HECW2: variants seen among roughly 807,000 people sequenced by gnomAD.
HECW2 encodes E3 ubiquitin-protein ligase HECW2.
In HECW2, 61 loss-of-function variants were observed where a neutral mutation model predicts 175.2. That is an observed-to-expected ratio of 0.35 (90% CI 0.28 to 0.43). The LOEUF (loss-of-function observed/expected upper bound fraction) is 0.43, where lower values mean the gene tolerates loss of function less well. HECW2 is among the 20% of genes least tolerant of loss of function. HECW2 has a pLI of 1.00. For synonymous variants in HECW2, 671 were observed against 731.0 expected, an observed-to-expected ratio of 0.92 and a Z score of 1.32; for missense variants, 1,524 against 2,000.5, an observed-to-expected ratio of 0.76 and a Z score of 4.54.
At chr2:196,394,558 CGA>C (rs984882826) in intron 2 of HECW2, among the ~76,000 whole-genome samples, 1 of 140,674 alleles carries the variant, frequency 7.1e-6, no homozygotes. Flanking sequence ...AAGGCAGACA[CGA>C]GAGCCAGAAA....
chr2:196,453,408 G>A (rs982647796), intron 1 of HECW2, among the ~76,000 whole-genome samples: 5 of 152,122 alleles, frequency 3.3e-5, no homozygotes, highest in African/African-American at 4.8e-5. Context: ...CTTCAATATC[G>A]GCTAAGACTG....
chr2:196,411,836 C>T (rs1323796326), intron 2 of HECW2, among the ~76,000 whole-genome samples: 1 of 152,158 alleles, frequency 6.6e-6, no homozygotes, highest in South Asian at 2.1e-4. Flanking sequence ...CATGGGGAAA[C>T]CCCATCTCTA....
intron 17 of HECW2, among the ~76,000 whole-genome samples, chr2:196,265,605 T>C (rs541381399): frequency 6.6e-6 from 1 of 152,302 alleles, no homozygotes; most frequent in Admixed American, 6.5e-5. Context: ...TTTTTAGAAT[T>C]AGAGTAAGTT....
At position 196,308,183 on chromosome 2, in the gene HECW2, C is replaced by CT. The variant is rs1691342799; in HGVS notation, c.2435-99dup. 1.0e-5 allele frequency: 9 copies of CT among 877,934 alleles called. No individual in the cohort carries two copies. In the East Asian group the frequency reaches 2.5e-4, roughly 24 times the overall value. 54.4% of individuals were successfully genotyped at this position (877,934 alleles called of 1,614,324 possible). A position where few individuals can be genotyped will look rare whatever the true frequency, so the allele number is the denominator to read the frequency against. ...GCATGTGTTTTCTTTCTCTGACATG[C>CT]TATAATCTGAGACTAATAACATACA... On this transcript the variant is annotated intron_variant, in intron 10 of 28. Coordinates refer to ENST00000644978, the MANE Select transcript of HECW2 (RefSeq NM_001348768.2).
intron 1 of HECW2, among the ~76,000 whole-genome samples, chr2:196,554,342 T>G (rs1689722563): frequency 6.6e-6 from 1 of 152,170 alleles, no homozygotes; most frequent in Non-Finnish European, 1.5e-5. Context: ...AAAAAAAGAT[T>G]TTTGAATTAT....
Position 196,320,410 on chromosome 2 carries a change from C to T in HECW2, c.914G>A (p.Arg305Lys), listed in dbSNP as rs1157732055. 5 of 1,612,914 alleles carry T rather than the reference C, an allele frequency of 3.1e-6. No individual in the cohort carries two copies. Among genetic ancestry groups the T allele is most frequent in the Non-Finnish European group, 4.2e-6 (5 of 1,179,098 alleles). The change falls in exon 8 of 29, where the codon AGA becomes AAA. Residue 305 changes from arginine (R) to lysine (K), a missense_variant. Coordinates refer to ENST00000644978, the MANE Select transcript of HECW2 (RefSeq NM_001348768.2). ...ACTCACGTGGTCAGCTGGGAGCCTTCTGCCAAGGTTGTAGCTGAGCATTTG... is the reference window on the plus strand; with the variant it reads ...ACTCACGTGGTCAGCTGGGAGCCTTTTGCCAAGGTTGTAGCTGAGCATTTG... ...GDQMLSYNLG[R>K]RLPADHVSGY... is the part of the protein sequence containing the mutation.
At chr2:196,305,584 C>T (rs1274301011) in intron 13 of HECW2, among the ~76,000 whole-genome samples, 1 of 152,084 alleles carries the variant, frequency 6.6e-6, no homozygotes, top group Non-Finnish European at 1.5e-5. Context: ...TGTTCTCCTT[C>T]AATTCCTTTA....
intron 1 of HECW2, among the ~76,000 whole-genome samples, chr2:196,584,890 T>G (rs1690919846): frequency 6.6e-6 from 1 of 152,210 alleles, no homozygotes; most frequent in Non-Finnish European, 1.5e-5. Context: ...TTTCATTTGT[T>G]GCTTATGAAA....
intron 1 of HECW2, among the ~76,000 whole-genome samples, chr2:196,521,415 A>C (rs1035252971): frequency 4.6e-5 from 7 of 151,870 alleles, no homozygotes; most frequent in African/African-American, 1.4e-4. Flanking sequence ...TGTTTCAGAA[A>C]CTTATATATG....
chr2:196,218,764 T>C (rs540895557), intron 26 of HECW2, among the ~76,000 whole-genome samples: 12 of 152,314 alleles, frequency 7.9e-5, no homozygotes, highest in African/African-American at 2.6e-4. Flanking sequence ...ATATAACTTA[T>C]GTAGCATGTC....
At chr2:196,563,915 G>A (rs1332457417) in intron 1 of HECW2, among the ~76,000 whole-genome samples, 2 of 152,176 alleles carry the variant, frequency 1.3e-5, no homozygotes, top group Non-Finnish European at 2.9e-5. Context: ...ATGCCTAGAA[G>A]TACCTGGGAA....
intron 21 of HECW2, among the ~76,000 whole-genome samples, chr2:196,228,458 G>A (rs1284039768): frequency 6.6e-6 from 1 of 152,120 alleles, no homozygotes; most frequent in Non-Finnish European, 1.5e-5. Context: ...CATTTATGTG[G>A]AGCATACCTA....
At chr2:196,515,980 A>T (rs1688132253) in intron 1 of HECW2, among the ~76,000 whole-genome samples, 1 of 151,722 alleles carries the variant, frequency 6.6e-6, no homozygotes, top group Non-Finnish European at 1.5e-5. Flanking sequence ...AAGTACAAAA[A>T]AAAAAAAATA....
intron 2 of HECW2, among the ~76,000 whole-genome samples, chr2:196,351,519 C>T (rs1241710909): frequency 6.6e-6 from 1 of 152,118 alleles, no homozygotes. Flanking sequence ...GTATCCAAAG[C>T]ACTTACCCTC....
intron 28 of HECW2, among the ~76,000 whole-genome samples, chr2:196,206,123 T>C (rs759115622): frequency 3.3e-5 from 5 of 152,206 alleles, no homozygotes; most frequent in African/African-American, 4.8e-5. Context: ...ACTGTGTTGA[T>C]GTTGGCAGCA....
intron 2 of HECW2, among the ~76,000 whole-genome samples, chr2:196,381,563 T>C (rs1019596595): frequency 6.6e-6 from 1 of 152,180 alleles, no homozygotes; most frequent in African/African-American, 2.4e-5. Flanking sequence ...CCTTATATTA[T>C]AATAAATAAA....
chr2:196,421,223 A>G (rs79803766), intron 2 of HECW2, among the ~76,000 whole-genome samples: 1 of 152,132 alleles, frequency 6.6e-6, no homozygotes, highest in African/African-American at 2.4e-5. Flanking sequence ...AAAAAGTCCA[A>G]ACATATCAAA....
chr2:196,205,102 C>T (rs188227217), intron 28 of HECW2, among the ~76,000 whole-genome samples: 1 of 152,206 alleles, frequency 6.6e-6, no homozygotes, highest in African/African-American at 2.4e-5. Flanking sequence ...TAAATTACAT[C>T]TGGTTGCATA....
chr2:196,557,277 C>A (rs1396219099), intron 1 of HECW2, among the ~76,000 whole-genome samples: 2 of 152,022 alleles, frequency 1.3e-5, no homozygotes, highest in Admixed American at 1.3e-4. Context: ...TTCCTGTAAT[C>A]CCAGCTACTT....
Sources: gnomAD v4.1 joint callset for allele counts (sites outside exome capture counted in the v4.1 genomes callset) on GRCh38, gnomAD v4.1.1 for gene constraint, MANE v1.5 for transcripts, NCBI Gene and HGNC (gene_info 2026-07-23, HGNC 2026-07-21) for gene names.